The following ROR1 variants were observed in gnomAD, a reference collection of about 807,000 sequenced individuals.
ROR1 encodes the protein ROR family WNT receptor 1, also known as inactive tyrosine-protein kinase transmembrane receptor ROR1.
A neutral mutation model predicts 78.8 loss-of-function variants in ROR1; 19 were observed. The ratio of observed to expected loss-of-function variants is 0.24; its 90% CI spans 0.17 to 0.35. ROR1 has a LOEUF of 0.35. ROR1 is among the 10% of genes least tolerant of loss of function. ROR1 has a pLI of 1.00. For missense variants in ROR1, 917 were observed against 1,177.8 expected, an observed-to-expected ratio of 0.78 and a Z score of 3.24; for synonymous variants, 386 against 433.6, an observed-to-expected ratio of 0.89 and a Z score of 1.36.
At chr1:64,066,136 C>T (rs1330175449) in intron 4 of ROR1, among the ~76,000 whole-genome samples, 2 of 152,070 alleles carry the variant, frequency 1.3e-5, no homozygotes, top group African/African-American at 2.4e-5. Context: ...ATGTCCTTGT[C>T]TTCTACTCAT....
chr1:63,882,075 A>G (rs1441683882), intron 1 of ROR1, among the ~76,000 whole-genome samples: 2 of 152,290 alleles, frequency 1.3e-5, no homozygotes, highest in African/African-American at 4.8e-5. Flanking sequence ...AGAAAATAGC[A>G]TCACAGGCGG....
intron 2 of ROR1, among the ~76,000 whole-genome samples, chr1:64,029,162 G>A (rs1023117552): frequency 3.3e-5 from 5 of 152,138 alleles, no homozygotes; most frequent in East Asian, 1.9e-4. Context: ...TGGGTGGAAG[G>A]TACTTAACCT....
At chr1:63,999,139 A>G (rs1348190617) in intron 1 of ROR1, among the ~76,000 whole-genome samples, 5 of 152,254 alleles carry the variant, frequency 3.3e-5, no homozygotes, top group Non-Finnish European at 7.3e-5. Flanking sequence ...ACAGACGTAT[A>G]CATGGCCAAG....
intron 1 of ROR1, among the ~76,000 whole-genome samples, chr1:63,936,155 T>G (rs888393148): frequency 3.3e-5 from 5 of 152,244 alleles, no homozygotes; most frequent in African/African-American, 9.6e-5. Context: ...TTTTATGTCA[T>G]GAGTTGCTAT....
chr1:64,086,383 C>T (rs1328357923), intron 4 of ROR1, among the ~76,000 whole-genome samples: 2 of 152,184 alleles, frequency 1.3e-5, no homozygotes, highest in Admixed American at 6.5e-5. Context: ...TCCATTTACT[C>T]AATAGATAGT....
At chr1:64,073,808 G>A (rs531316414) in intron 4 of ROR1, among the ~76,000 whole-genome samples, 7 of 152,242 alleles carry the variant, frequency 4.6e-5, no homozygotes, top group Admixed American at 3.3e-4. Context: ...CCCTGTTCCC[G>A]AAGGGTTAAC....
chr1:63,967,913 A>G (rs1053151289), intron 1 of ROR1, among the ~76,000 whole-genome samples: 1 of 152,232 alleles, frequency 6.6e-6, no homozygotes, highest in Non-Finnish European at 1.5e-5. Context: ...AGGATGAAGT[A>G]TAGTTTTACA....
intron 4 of ROR1, among the ~76,000 whole-genome samples, chr1:64,071,642 A>G (rs1301286559): frequency 6.6e-6 from 1 of 150,690 alleles, no homozygotes; most frequent in Non-Finnish European, 1.5e-5. Context: ...TTGAAGAAGT[A>G]TTTATGGGTT....
At chr1:63,860,869 G>A (rs899218029) in intron 1 of ROR1, among the ~76,000 whole-genome samples, 4 of 152,056 alleles carry the variant, frequency 2.6e-5, no homozygotes, top group African/African-American at 7.2e-5. Context: ...GTGTTTTTGA[G>A]TAAAAGAAAT....
rs762044481 is a variant in ROR1, at chr1:64,177,832, T to G, written c.1791T>G (p.Ile597Met). Residue 597 changes from isoleucine (I) to methionine (M), a missense_variant, in exon 9 of 9, where the codon ATT becomes ATG. Coordinates refer to ENST00000371079, the MANE Select transcript of ROR1 (RefSeq NM_005012.4). ...LDHGDFLHIAIQIAAGMEYLS... is the reference protein window; with the variant it reads ...LDHGDFLHIAMQIAAGMEYLS... ...ACGGAGATTTTCTGCACATTGCAATTCAGATTGCAGCTGGCATGGAATACC... is the reference window on the plus strand; with the variant it reads ...ACGGAGATTTTCTGCACATTGCAATGCAGATTGCAGCTGGCATGGAATACC... 1.2e-6 allele frequency: 2 copies of G among 1,614,040 alleles called. No homozygotes were observed. Among genetic ancestry groups the G allele is most frequent in the African/African-American group, 2.7e-5 (2 of 74,936 alleles).
intron 1 of ROR1, among the ~76,000 whole-genome samples, chr1:63,972,572 G>A (rs1234612263): frequency 6.6e-6 from 1 of 152,236 alleles, no homozygotes; most frequent in Non-Finnish European, 1.5e-5. Flanking sequence ...AGATATTTGT[G>A]GAAGAAAAGA....
At chr1:63,786,300 T>C (rs1644686543) in intron 1 of ROR1, among the ~76,000 whole-genome samples, 1 of 115,776 alleles carries the variant, frequency 8.6e-6, no homozygotes. Context: ...TGAGACAGAG[T>C]CTCGCTCTGT....
intron 1 of ROR1, among the ~76,000 whole-genome samples, chr1:63,885,870 G>C (rs1272140747): frequency 1.3e-5 from 2 of 152,126 alleles, no homozygotes; most frequent in Non-Finnish European, 2.9e-5. Flanking sequence ...GTGGTGGGGG[G>C]ATGCTTTTGG....
At chr1:63,904,205 T>TACGGGA (rs1645510959) in intron 1 of ROR1, among the ~76,000 whole-genome samples, 1 of 152,126 alleles carries the variant, frequency 6.6e-6, no homozygotes, top group African/African-American at 2.4e-5. Context: ...TTGTGTGCTT[T>TACGGGA]TTGTGGATTA....
At chr1:63,952,614 G>C (rs1645949442) in intron 1 of ROR1, among the ~76,000 whole-genome samples, 1 of 152,136 alleles carries the variant, frequency 6.6e-6, no homozygotes, top group Non-Finnish European at 1.5e-5. Context: ...GTTCTCTGAG[G>C]GAGAGTGCTG....
rs867697850 is a variant in ROR1, at chr1:63,822,460, A to T, written c.91+47952A>T. 2.8e-4 allele frequency among the ~76,000 whole-genome samples: 41 copies of T among 147,154 alleles called. No individual in the cohort carries two copies. The South Asian group carries it at 8.0e-3, about 29-fold the overall frequency. ...CTTTTTATTATTTAAAAAGGTAAAC[A>T]TGTGATGTGTTTGTTGTAGAAAATG... On this transcript the variant is annotated intron_variant, in intron 1 of 8. Transcript: ENST00000371079.
intron 1 of ROR1, among the ~76,000 whole-genome samples, chr1:63,782,735 C>G (rs1408658916): frequency 6.6e-6 from 1 of 151,986 alleles, no homozygotes; most frequent in Admixed American, 6.6e-5. Context: ...TAAATTAAAC[C>G]CCTTCCCAAA....
intron 4 of ROR1, among the ~76,000 whole-genome samples, chr1:64,066,955 T>C (rs945520674): frequency 1.3e-5 from 2 of 152,208 alleles, no homozygotes; most frequent in African/African-American, 4.8e-5. Context: ...ATAATTATTA[T>C]AATGGAATAT....
At chr1:63,817,451 A>G (rs1012066733) in intron 1 of ROR1, among the ~76,000 whole-genome samples, 4 of 152,172 alleles carry the variant, frequency 2.6e-5, no homozygotes, top group African/African-American at 9.7e-5. Context: ...AAGTTTGACC[A>G]CCATAAATTG....
Sources: gnomAD v4.1 joint callset for allele counts (sites outside exome capture counted in the v4.1 genomes callset) on GRCh38, gnomAD v4.1.1 for gene constraint, MANE v1.5 for transcripts, NCBI Gene and HGNC (gene_info 2026-07-23, HGNC 2026-07-21) for gene names.